The following ALMS1 variants were observed in gnomAD, a reference collection of about 807,000 sequenced individuals.
ALMS1 encodes centrosome-associated protein ALMS1.
ALMS1 carries 271 observed loss-of-function variants against 352.2 expected under a neutral mutation model. The ratio of observed to expected loss-of-function variants is 0.77; its 90% CI spans 0.70 to 0.85. The LOEUF (loss-of-function observed/expected upper bound fraction) is 0.85. Ranked by LOEUF, ALMS1 falls within the 40% of genes least tolerant of loss-of-function variation. The pLI, the probability that ALMS1 is intolerant of heterozygous loss-of-function variation, is 0.00. For missense variants in ALMS1, 5,445 were observed against 4,870.7 expected (o/e 1.12, Z -3.51); for synonymous variants, 1,865 against 1,761.2 (o/e 1.06, Z -1.48).
chr2:73,592,181 T>C (rs1675448520), intron 16 of ALMS1, among the ~76,000 whole-genome samples: 1 of 152,248 alleles, frequency 6.6e-6, no homozygotes, highest in Non-Finnish European at 1.5e-5. Context: ...GCAGGCACAG[T>C]ACATTGTTAA....
intron 9 of ALMS1, among the ~76,000 whole-genome samples, chr2:73,467,058 G>T (rs1231807884): frequency 6.6e-6 from 1 of 151,880 alleles, no homozygotes; most frequent in Non-Finnish European, 1.5e-5. Flanking sequence ...AAAGTTTCTT[G>T]AAAATCTCTT....
At chr2:73,458,462 A>T (rs1311436229) in intron 9 of ALMS1, 2 of 152,200 alleles carry the variant, frequency 1.3e-5, no homozygotes, top group Non-Finnish European at 2.9e-5. Flanking sequence ...ACCACTGAAC[A>T]AAATAGACAA....
intron 12 of ALMS1, among the ~76,000 whole-genome samples, chr2:73,538,082 T>C (rs537669374): frequency 6.6e-6 from 1 of 152,234 alleles, no homozygotes; most frequent in African/African-American, 2.4e-5. Flanking sequence ...TTCAAAACTT[T>C]TGTACACAAA....
At chr2:73,399,307 C>T (rs546409454) in intron 1 of ALMS1, among the ~76,000 whole-genome samples, 15 of 152,010 alleles carry the variant, frequency 9.9e-5, no homozygotes, top group South Asian at 2.1e-4. Flanking sequence ...TGTATTATGT[C>T]GTCATTGTGT....
At chr2:73,419,076 G>T (rs374998797) in intron 2 of ALMS1, 47 bp from the exon 3 acceptor site, 183 of 1,464,444 alleles carry the variant, frequency 1.2e-4, no homozygotes, top group Non-Finnish European at 1.3e-4. Flanking sequence ...AATATGTATG[G>T]TAACTCAGTT....
At chr2:73,590,679 T>TC (rs1675411832) in intron 16 of ALMS1, among the ~76,000 whole-genome samples, 1 of 134,842 alleles carries the variant, frequency 7.4e-6, no homozygotes. Context: ...TTTTATTACT[T>TC]TTTTTTTTTT....
chr2:73,439,564 T>C (rs1351923157), intron 7 of ALMS1, among the ~76,000 whole-genome samples: 3 of 152,188 alleles, frequency 2.0e-5, no homozygotes, highest in African/African-American at 7.2e-5. Flanking sequence ...TATTTTGAGA[T>C]GGAGTCTTGC....
intron 7 of ALMS1, 73 bp downstream of exon 7, chr2:73,432,364 C>T (rs1671517703): frequency 4.7e-6 from 5 of 1,074,268 alleles, no homozygotes; most frequent in Non-Finnish European, 7.0e-6. Flanking sequence ...TTAGGTCTAT[C>T]TAATTTTGTA....
intron 9 of ALMS1, among the ~76,000 whole-genome samples, chr2:73,479,733 C>A (rs971145230): frequency 6.6e-6 from 1 of 152,120 alleles, no homozygotes; most frequent in African/African-American, 2.4e-5. Context: ...GGGGTAGATG[C>A]CCAGGATTGC....
rs754371352 is a variant in ALMS1 at position 73,449,058 on chromosome 2, C to T, written c.2531C>T (p.Ala844Val). 6.2e-7 allele frequency: 1 copy of T among 1,614,104 alleles called. No individual in the cohort carries two copies. Among genetic ancestry groups the T allele is most frequent in the Non-Finnish European group, 8.5e-7 (1 of 1,179,984 alleles). The change falls in exon 8 of 23, where the codon GCT becomes GTT. Residue 844 changes from alanine to valine, a missense_variant. Physicochemically the swap from Ala to Val is moderately conservative, Grantham distance 64 (BLOSUM62 0). Coordinates refer to ENST00000613296, the MANE Select transcript of ALMS1 (RefSeq NM_001378454.1). ...ALKVSAVSGP[A>V]DGKTGTPAVT... is the part of the protein sequence containing the mutation. ...AAAGTTTCAGCTGTTTCTGGACCAG[C>T]TGACGGAAAGACTGGGACACCAGCT... is the stretch of plus-strand genomic sequence containing the variant.
Position 73,450,676 on chromosome 2 carries a change from A to C in ALMS1, c.4149A>C (p.Gln1383His), listed in dbSNP as rs370508895. The C allele has an allele frequency of 6.2e-7, 1 of 1,612,262 alleles. No homozygotes were observed. Among genetic ancestry groups the C allele is most frequent in the Non-Finnish European group, 8.5e-7 (1 of 1,179,630 alleles). The stretch of plus-strand genomic sequence containing the variant: ...CTGTAACCTCTACTTCTTACTCACA[A>C]CATACAGAGAAGCCGAGTATTTTCT... Reference protein sequence around the residue: ...TPTVTSTSYSQHTEKPSIFYQ... With the variant: ...TPTVTSTSYSHHTEKPSIFYQ... Residue 1383 changes from glutamine to histidine, a missense_variant, in exon 8 of 23, where the codon CAA becomes CAC. Physicochemically the swap from Gln to His is conservative, Grantham distance 24. Transcript: ENST00000613296.
chr2:73,567,092 C>T (rs1674819287), intron 15 of ALMS1, among the ~76,000 whole-genome samples: 1 of 152,110 alleles, frequency 6.6e-6, no homozygotes, highest in Admixed American at 6.5e-5. Context: ...ATTACATAGG[C>T]AATATTGATT....
At chr2:73,426,396 G>C in intron 5 of ALMS1, 57 bp from the exon 6 acceptor site, 1 of 1,562,818 alleles carries the variant, frequency 6.4e-7, no homozygotes, top group Non-Finnish European at 8.8e-7. Flanking sequence ...TCGTGTGTGG[G>C]AGCTGAGCCT....
At chr2:73,414,489 GT>G (rs11395837) in intron 2 of ALMS1, among the ~76,000 whole-genome samples, 1 of 94,248 alleles carries the variant, frequency 1.1e-5, no homozygotes, top group Non-Finnish European at 2.0e-5. Context: ...TTTTTTTTTT[GT>G]TTTTTTTTTG....
intron 7 of ALMS1, among the ~76,000 whole-genome samples, chr2:73,445,657 C>T (rs766305554): frequency 6.6e-6 from 1 of 151,978 alleles, no homozygotes; most frequent in Non-Finnish European, 1.5e-5. Context: ...AGGAAGCCTT[C>T]TGTGTTACTA....
At chr2:73,529,814 C>A (rs1043805530) in intron 11 of ALMS1, among the ~76,000 whole-genome samples, 1 of 152,154 alleles carries the variant, frequency 6.6e-6, no homozygotes, top group Non-Finnish European at 1.5e-5. Flanking sequence ...AGGAAACTTA[C>A]AATCATGGCA....
rs1021787879 is a variant in ALMS1, at chr2:73,490,083, G to T, written c.8124G>T (p.Met2708Ile). The change falls in exon 10 of 23, where the codon ATG (methionine) becomes ATT (isoleucine). Residue 2708 changes from methionine (M) to isoleucine (I), a missense_variant. Physicochemically the swap from Met to Ile is conservative, Grantham distance 10. Coordinates refer to ENST00000613296, the MANE Select transcript of ALMS1 (RefSeq NM_001378454.1). ...SSSQMPSPEP[M>I]KKFTTSITFS... ...CACAAATGCCGTCCCCAGAACCCAT[G>T]AAAAAGTTTACTACCTCCATCACTT... 6.2e-7 allele frequency: 1 copy of T among 1,613,998 alleles called. No individual in the cohort carries two copies. Among genetic ancestry groups the T allele is most frequent in the Admixed American group, 1.7e-5 (1 of 59,988 alleles).
At chr2:73,554,136 C>G (rs191826807) in intron 13 of ALMS1, among the ~76,000 whole-genome samples, 16 of 151,582 alleles carry the variant, frequency 1.1e-4, no homozygotes, top group African/African-American at 3.9e-4. Flanking sequence ...TTTATATTGT[C>G]CTTCACCTCA....
At chr2:73,459,945 C>A (rs1043447167) in intron 9 of ALMS1, among the ~76,000 whole-genome samples, 4 of 152,142 alleles carry the variant, frequency 2.6e-5, no homozygotes, top group Admixed American at 6.5e-5. Context: ...CCCCTCTCCC[C>A]TGTAGGCCTG....
Sources: gnomAD v4.1 joint callset for allele counts (sites outside exome capture counted in the v4.1 genomes callset) on GRCh38, gnomAD v4.1.1 for gene constraint, MANE v1.5 for transcripts, NCBI Gene and HGNC (gene_info 2026-07-23, HGNC 2026-07-21) for gene names.